Variants in FAM168A observed in about 807,000 individuals in gnomAD.
The protein encoded by FAM168A is family with sequence similarity 168 member A.
Under a neutral mutation model 28.5 loss-of-function variants are expected in FAM168A, and 3 were observed. The observed-to-expected ratio is 0.11, with a 90% CI of 0.05 to 0.27. The LOEUF is 0.27. Among genes scored for constraint, FAM168A ranks in the 10% least tolerant of loss-of-function variants. The pLI, the probability that FAM168A is intolerant of heterozygous loss-of-function variation, is 1.00. For synonymous variants in FAM168A, 122 were observed against 124.2 expected (o/e 0.98, Z 0.12); for missense variants, 222 against 311.5 (o/e 0.71, Z 2.16).
At position 73,577,312 on chromosome 11, in the gene FAM168A, C is replaced by A. The variant is rs181183448; in HGVS notation, c.-19+20611G>T. Among the ~76,000 whole-genome samples the A allele has an allele frequency of 1.1e-4, 16 of 152,126 alleles. No individual in the cohort carries two copies. The East Asian group carries it at 3.1e-3, about 29-fold the overall frequency. ...ATTAAATAACTTGTCCATGGTCACA[C>A]AGCTACTTAACTAATATCTGAATTA... On this transcript the variant is annotated intron_variant, in intron 1 of 7. Transcript: ENST00000356467.
intron 1 of FAM168A, among the ~76,000 whole-genome samples, chr11:73,592,360 C>CA (rs1421193872): frequency 6.6e-6 from 1 of 151,956 alleles, no homozygotes; most frequent in African/African-American, 2.4e-5. Context: ...CATAATTTGA[C>CA]AAAAAAATTC....
intron 1 of FAM168A, among the ~76,000 whole-genome samples, chr11:73,591,049 T>C (rs990568120): frequency 6.6e-6 from 1 of 151,932 alleles, no homozygotes; most frequent in Non-Finnish European, 1.5e-5. Flanking sequence ...GAGGCTAAGG[T>C]AGAAGAATCA....
chr11:73,517,454 CT>C (rs1052060019), intron 1 of FAM168A, among the ~76,000 whole-genome samples: 27 of 151,892 alleles, frequency 1.8e-4, no homozygotes, highest in African/African-American at 6.5e-4. Flanking sequence ...GCTATTTGCT[CT>C]TTTTACTATT....
At chr11:73,530,898 C>G (rs1368781286) in intron 1 of FAM168A, among the ~76,000 whole-genome samples, 1 of 152,114 alleles carries the variant, frequency 6.6e-6, no homozygotes, top group Non-Finnish European at 1.5e-5. Flanking sequence ...AGTGGTAAAC[C>G]TGGGATTTGT....
In FAM168A at chr11:73,459,387, G is replaced by C. The variant is rs555004568; in HGVS notation, c.70+9018C>G. The stretch of plus-strand genomic sequence containing the variant: ...TATAGTCTCAGCTACTCGGGAGGCT[G>C]AGGCAGGAGAATGGCGTGAACCTGG... On this transcript the variant is annotated intron_variant, in intron 2 of 7. Transcript: ENST00000356467. Among the ~76,000 whole-genome samples, 32 of 151,948 alleles carry C rather than the reference G, an allele frequency of 2.1e-4. 1 individual carries two copies. The highest frequency in any genetic ancestry group is 3.7e-4 in the Non-Finnish European group (25 of 67,966).
intron 3 of FAM168A, among the ~76,000 whole-genome samples, chr11:73,422,806 G>C (rs953939507): frequency 1.3e-5 from 2 of 151,928 alleles, no homozygotes; most frequent in Non-Finnish European, 2.9e-5. Flanking sequence ...GAGAGAGAAA[G>C]AACCCTTGGC....
rs779693765 is a variant in FAM168A at position 73,419,882 on chromosome 11, G to A, written c.269C>T (p.Ala90Val). 9.9e-6 allele frequency: 16 copies of A among 1,613,764 alleles called. No homozygotes were observed. Among genetic ancestry groups the A allele is most frequent in the Admixed American group, 3.3e-5 (2 of 59,990 alleles). Reference sequence around the variant, plus strand: ...AGACAGGCTGTATTTACTGAAAGCCGCAGAGGATGCTTGGTAAGTTCGGTT... The same window carrying A: ...AGACAGGCTGTATTTACTGAAAGCCACAGAGGATGCTTGGTAAGTTCGGTT... ...TENRTYQASS[A>V]AFRYTAGTPY... Residue 90 changes from alanine to valine, a missense_variant, in exon 4 of 8, where the codon GCG (alanine) becomes GTG (valine). This residue lies in a region of FAM168A where 153 missense variants were observed against 189.2 expected (regional missense o/e 0.81). Transcript: ENST00000356467.
intron 1 of FAM168A, among the ~76,000 whole-genome samples, chr11:73,544,955 TTA>T (rs1377965531): frequency 1.1e-4 from 9 of 81,744 alleles, no homozygotes; most frequent in African/African-American, 3.1e-4. Context: ...ATATAATATA[TTA>T]TATATAATAT....
intron 1 of FAM168A, among the ~76,000 whole-genome samples, chr11:73,586,323 G>A (rs1590753503): frequency 6.6e-6 from 1 of 152,124 alleles, no homozygotes; most frequent in African/African-American, 2.4e-5. Flanking sequence ...ACATACACCT[G>A]TAGTCCCAGC....
chr11:73,576,773 C>A (rs1451089276), intron 1 of FAM168A, among the ~76,000 whole-genome samples: 1 of 152,134 alleles, frequency 6.6e-6, no homozygotes, highest in Non-Finnish European at 1.5e-5. Context: ...CTGAACTCAG[C>A]AAATCTACTT....
At chr11:73,471,311 T>C (rs1867810557) in intron 1 of FAM168A, among the ~76,000 whole-genome samples, 2 of 152,134 alleles carry the variant, frequency 1.3e-5, no homozygotes, top group Admixed American at 6.5e-5. Context: ...TCTGAGTCTC[T>C]GTTTCCTCTA....
At chr11:73,443,007 T>G (rs1867232279) in intron 2 of FAM168A, among the ~76,000 whole-genome samples, 1 of 120,976 alleles carries the variant, frequency 8.3e-6, no homozygotes, top group African/African-American at 3.0e-5. Context: ...TGCCAAGCCT[T>G]TTTTCCACCC....
chr11:73,580,364 G>T, intron 1 of FAM168A: 1 of 601,736 alleles, frequency 1.7e-6, no homozygotes, highest in Admixed American at 1.9e-5. Context: ...CAAAGATAGA[G>T]CCCAGGCCAA....
chr11:73,596,598 C>T (rs1944441514), intron 1 of FAM168A, among the ~76,000 whole-genome samples: 1 of 152,126 alleles, frequency 6.6e-6, no homozygotes, highest in African/African-American at 2.4e-5. Flanking sequence ...CTGCAAAGTC[C>T]CCTCTAACAG....
At chr11:73,557,973 G>A (rs757630521) in intron 1 of FAM168A, among the ~76,000 whole-genome samples, 4 of 152,064 alleles carry the variant, frequency 2.6e-5, no homozygotes, top group African/African-American at 4.8e-5. Flanking sequence ...ATATCTACAG[G>A]CAGAAGAATG....
chr11:73,582,632 A>T (rs563652167), intron 1 of FAM168A, among the ~76,000 whole-genome samples: 29 of 152,368 alleles, frequency 1.9e-4, no homozygotes, highest in African/African-American at 7.0e-4. Context: ...GTAAAAATCA[A>T]ATACACAAGC....
At chr11:73,594,248 C>T (rs1252337633) in intron 1 of FAM168A, among the ~76,000 whole-genome samples, 6 of 151,724 alleles carry the variant, frequency 4.0e-5, no homozygotes, top group South Asian at 2.1e-4. Context: ...TACAGGTATA[C>T]GCTACCACAC....
At chr11:73,473,595 T>C (rs755751931) in intron 1 of FAM168A, among the ~76,000 whole-genome samples, 1 of 152,200 alleles carries the variant, frequency 6.6e-6, no homozygotes, top group African/African-American at 2.4e-5. Flanking sequence ...GACTTCCTTG[T>C]TGTTCCCTGA....
At chr11:73,537,725 C>T (rs1943599777) in intron 1 of FAM168A, among the ~76,000 whole-genome samples, 1 of 152,220 alleles carries the variant, frequency 6.6e-6, no homozygotes, top group African/African-American at 2.4e-5. Flanking sequence ...CTGAGGTCTT[C>T]TTTAAGCACA....
Sources: allele counts gnomAD v4.1 joint callset (sites outside exome capture counted in the v4.1 genomes callset), GRCh38; gene constraint gnomAD v4.1.1; regional missense constraint gnomAD v4.1.1; transcripts MANE v1.5; gene names NCBI Gene and HGNC (gene_info 2026-07-23, HGNC 2026-07-21).